MSR1: variants seen among roughly 807,000 people sequenced by gnomAD.
The protein encoded by MSR1 is macrophage scavenger receptor types I and II.
MSR1 carries 53 observed loss-of-function variants against 47.2 expected under a neutral mutation model. That is an observed-to-expected ratio of 1.12 (90% CI 0.90 to 1.41). The LOEUF (loss-of-function observed/expected upper bound fraction) is 1.41. MSR1 is among the 40% of genes most tolerant of loss of function. The pLI is 0.00. For synonymous variants in MSR1, 239 were observed against 185.6 expected (o/e 1.29, Z -2.34); for missense variants, 786 against 546.9 (o/e 1.44, Z -4.36).
At chr8:16,130,372 C>T (rs7834094) in intron 8 of MSR1, among the ~76,000 whole-genome samples, 10,651 of 152,210 alleles carry the variant, frequency 0.07, 731 homozygotes, top group African/African-American at 0.17. Context: ...ATTCTCACAG[C>T]ATTTCAAACT....
chr8:16,134,140 G>C (rs1585147403), intron 8 of MSR1, among the ~76,000 whole-genome samples: 3 of 152,186 alleles, frequency 2.0e-5, no homozygotes, highest in African/African-American at 7.2e-5. Context: ...TAAAGTATCG[G>C]TGATTTCACC....
chr8:16,173,269 T>C (rs918917239), intron 3 of MSR1, among the ~76,000 whole-genome samples: 2 of 152,192 alleles, frequency 1.3e-5, no homozygotes, highest in African/African-American at 4.8e-5. Flanking sequence ...CCTTGAATTA[T>C]TTTCCGACTC....
rs1011933628 is a variant in MSR1 at position 16,108,407 on chromosome 8, G to C, written c.*1678C>G. 4 of 151,742 alleles carry C rather than the reference G, an allele frequency of 2.6e-5. No individual in the cohort carries two copies. The highest frequency in any genetic ancestry group is 5.9e-5 in the Non-Finnish European group (4 of 67,936). 9.4% of individuals were successfully genotyped at this position (151,742 alleles called of 1,614,324 possible). The stretch of plus-strand genomic sequence containing the variant: ...CATGCATACCACTTACGCATAAGTA[G>C]TAAATCAGCATACATATACCATACA... On this transcript the variant is annotated 3_prime_UTR_variant, in exon 10 of 10. Coordinates refer to ENST00000262101, the MANE Select transcript of MSR1 (RefSeq NM_138715.3).
intron 8 of MSR1, among the ~76,000 whole-genome samples, chr8:16,136,292 G>C (rs757653534): frequency 3.3e-5 from 5 of 152,252 alleles, no homozygotes; most frequent in African/African-American, 4.8e-5. Flanking sequence ...CCATCACGCT[G>C]ATTAGTAAGC....
At chr8:16,115,417 G>C (rs937270861) in intron 9 of MSR1, among the ~76,000 whole-genome samples, 1 of 152,042 alleles carries the variant, frequency 6.6e-6, no homozygotes, top group Non-Finnish European at 1.5e-5. Flanking sequence ...GTGGAGGAGT[G>C]AAAAAATCAG....
At chr8:16,156,627 C>A (rs534763951) in intron 5 of MSR1, among the ~76,000 whole-genome samples, 4 of 151,760 alleles carry the variant, frequency 2.6e-5, no homozygotes, top group African/African-American at 9.7e-5. Flanking sequence ...CTAGAAAAAG[C>A]GTGAGGAAGA....
intron 1 of MSR1, among the ~76,000 whole-genome samples, chr8:16,181,381 C>G (rs1277494656): frequency 6.6e-6 from 1 of 151,762 alleles, no homozygotes; most frequent in African/African-American, 2.4e-5. Context: ...TTAATGATCG[C>G]CATTCTTGGA....
chr8:16,180,874 C>T (rs772957351), intron 1 of MSR1, among the ~76,000 whole-genome samples: 23 of 152,084 alleles, frequency 1.5e-4, no homozygotes, highest in Admixed American at 2.0e-4. Context: ...TGACCAAGGA[C>T]TCTGTTCTTT....
intron 7 of MSR1, among the ~76,000 whole-genome samples, chr8:16,146,415 C>A (rs1457933501): frequency 6.6e-6 from 1 of 151,984 alleles, no homozygotes; most frequent in African/African-American, 2.4e-5. Context: ...ACAAAAAATG[C>A]ATCTCTTCCT....
intron 7 of MSR1, among the ~76,000 whole-genome samples, chr8:16,148,776 C>T (rs946074056): frequency 6.6e-6 from 1 of 152,038 alleles, no homozygotes. Context: ...TTTGAAGCAA[C>T]CAAAGCGTCC....
chr8:16,180,086 CTCTCTCTT>C (rs1238475475), intron 1 of MSR1, among the ~76,000 whole-genome samples: 1 of 139,114 alleles, frequency 7.2e-6, no homozygotes, highest in African/African-American at 2.8e-5. Context: ...TGTACCCGGT[CTCTCTCTT>C]TCTCTCTGTC....
intron 8 of MSR1, chr8:16,121,082 T>A (rs902931368): frequency 7.7e-6 from 3 of 389,518 alleles, no homozygotes; most frequent in African/African-American, 6.4e-5. Flanking sequence ...AAATAGGTGA[T>A]CAAACTTCAT....
intron 1 of MSR1, among the ~76,000 whole-genome samples, chr8:16,181,145 A>G (rs902925653): frequency 2.0e-5 from 3 of 152,198 alleles, no homozygotes; most frequent in Admixed American, 2.0e-4. Flanking sequence ...TGACATGACA[A>G]TAAAACTTAG....
chr8:16,159,403 A>G (rs974229697), intron 5 of MSR1, among the ~76,000 whole-genome samples: 11 of 152,016 alleles, frequency 7.2e-5, no homozygotes, highest in African/African-American at 2.6e-4. Context: ...TCCACAATGA[A>G]ATTTTATGTA....
chr8:16,176,288 C>T (rs1230852146), intron 2 of MSR1, among the ~76,000 whole-genome samples: 1 of 152,102 alleles, frequency 6.6e-6, no homozygotes, highest in Non-Finnish European at 1.5e-5. Context: ...GGGAGGATGG[C>T]TTGAGCCTAG....
At chr8:16,134,487 T>C (rs899114942) in intron 8 of MSR1, among the ~76,000 whole-genome samples, 1 of 152,084 alleles carries the variant, frequency 6.6e-6, no homozygotes, top group Non-Finnish European at 1.5e-5. Flanking sequence ...TTAGTTGATA[T>C]ATGTTGTGTG....
chr8:16,186,890 C>T (rs1022370503), intron 1 of MSR1, among the ~76,000 whole-genome samples: 16 of 152,092 alleles, frequency 1.1e-4, no homozygotes, highest in African/African-American at 1.4e-4. Context: ...TTTGGCATTA[C>T]ACACATGAGC....
chr8:16,139,301 C>G, intron 8 of MSR1: 1 of 983,564 alleles, frequency 1.0e-6, no homozygotes, highest in Non-Finnish European at 1.2e-6. Flanking sequence ...TCAGAGAGAT[C>G]ACTGCGAAGC....
intron 1 of MSR1, among the ~76,000 whole-genome samples, chr8:16,183,487 TATATAG>T (rs1173619095): frequency 2.9e-4 from 43 of 148,096 alleles, no homozygotes; most frequent in African/African-American, 9.4e-4. Context: ...GATGAATAAC[TATATAG>T]ATATAAATAT....
Sources: gnomAD v4.1 joint callset for allele counts (sites outside exome capture counted in the v4.1 genomes callset) on GRCh38, gnomAD v4.1.1 for gene constraint, MANE v1.5 for transcripts, NCBI Gene and HGNC (gene_info 2026-07-23, HGNC 2026-07-21) for gene names.